PYGO1: variants seen among roughly 807,000 people sequenced by gnomAD.
PYGO1 encodes the protein pygopus family PHD finger 1.
PYGO1 carries 6 observed loss-of-function variants against 29.5 expected under a neutral mutation model. That is an observed-to-expected ratio of 0.20 (90% CI 0.11 to 0.40). The LOEUF (loss-of-function observed/expected upper bound fraction) is 0.40. Among genes scored for constraint, PYGO1 ranks in the 10% least tolerant of loss-of-function variants. The probability of loss-of-function intolerance (pLI) is 1.00; values close to 1 mark genes in which losing one functional copy is unlikely to be tolerated. For missense variants in PYGO1, 515 were observed against 514.9 expected, an observed-to-expected ratio of 1.00 and a Z score of 0.00; for synonymous variants, 186 against 180.5, an observed-to-expected ratio of 1.03 and a Z score of -0.24.
chr15:55,551,842 A>G (rs763985076), intron 1 of PYGO1, among the ~76,000 whole-genome samples: 10 of 152,084 alleles, frequency 6.6e-5, no homozygotes, highest in Admixed American at 2.6e-4. Flanking sequence ...TCTCAACAAA[A>G]TACTAGCAAA....
intron 1 of PYGO1, among the ~76,000 whole-genome samples, chr15:55,553,662 C>T (rs1162590229): frequency 2.0e-5 from 3 of 152,158 alleles, no homozygotes; most frequent in South Asian, 2.1e-4. Context: ...CTACCCACCT[C>T]AGCCTCCCAA....
At chr15:55,571,296 T>G (rs994623255) in intron 1 of PYGO1, among the ~76,000 whole-genome samples, 1 of 152,232 alleles carries the variant, frequency 6.6e-6, no homozygotes, top group East Asian at 1.9e-4. Context: ...ACCTTTTAGC[T>G]ACTGTGACTA....
rs1447811251 is a variant in PYGO1 at position 55,539,923 on chromosome 15, T to G, written c.*6100A>C. The G allele has an allele frequency of 2.0e-5, 3 of 152,232 alleles. No homozygotes were observed. The highest frequency in any genetic ancestry group is 2.1e-4 in the South Asian group (1 of 4,822). The allele number at this position is 152,232 out of a possible 1,614,324, so 9.4% of individuals were successfully genotyped here. On this transcript the variant is annotated 3_prime_UTR_variant, in exon 3 of 3. Transcript: ENST00000563719. ...TAAACTGATATGTCTAAAATTTGAA[T>G]TTTTAAAAAGATATGCAGTTTAAGC...
intron 1 of PYGO1, among the ~76,000 whole-genome samples, chr15:55,549,833 C>A (rs2141647456): frequency 6.6e-6 from 1 of 152,246 alleles, no homozygotes; most frequent in Non-Finnish European, 1.5e-5. Context: ...ACATATACAA[C>A]ATACAGAGAA....
intron 1 of PYGO1, among the ~76,000 whole-genome samples, chr15:55,564,766 ATC>A (rs1176288268): frequency 1.3e-5 from 2 of 152,192 alleles, no homozygotes; most frequent in Non-Finnish European, 2.9e-5. Flanking sequence ...ACCATTGATA[ATC>A]TCTCAGTCTG....
intron 1 of PYGO1, among the ~76,000 whole-genome samples, chr15:55,559,475 A>G (rs911197586): frequency 3.9e-5 from 6 of 152,212 alleles, no homozygotes; most frequent in East Asian, 3.8e-4. Flanking sequence ...CCATCCCATT[A>G]CTGGGTATAT....
intron 1 of PYGO1, among the ~76,000 whole-genome samples, chr15:55,582,349 T>C (rs1209633985): frequency 6.6e-6 from 1 of 152,008 alleles, no homozygotes; most frequent in Non-Finnish European, 1.5e-5. Context: ...ATCTCATGGA[T>C]AGAAACATTT....
intron 1 of PYGO1, among the ~76,000 whole-genome samples, chr15:55,571,120 G>C (rs2058978331): frequency 6.7e-6 from 1 of 149,586 alleles, no homozygotes; most frequent in African/African-American, 2.5e-5. Context: ...TCCAGTACTT[G>C]TCTTTCTGTG....
Position 55,588,173 on chromosome 15 carries a change from G to A in PYGO1, c.-290C>T. ...CCCCCACCCGGGGCCGGCATGTGCTGAGGGCGAGTGCGCCGCCGCCGCCGC... is the reference window on the plus strand; with the variant it reads ...CCCCCACCCGGGGCCGGCATGTGCTAAGGGCGAGTGCGCCGCCGCCGCCGC... On this transcript the variant is annotated 5_prime_UTR_variant, in exon 1 of 3. Coordinates refer to ENST00000563719, the MANE Select transcript of PYGO1 (RefSeq NM_001367806.1). The A allele has an allele frequency of 2.3e-6, 1 of 427,840 alleles. No homozygotes were observed. The highest frequency in any genetic ancestry group is 3.1e-6 in the Non-Finnish European group (1 of 322,366). The allele number at this position is 427,840 out of a possible 1,614,324, so 26.5% of individuals were successfully genotyped here.
At chr15:55,560,110 T>G (rs1041116639) in intron 1 of PYGO1, among the ~76,000 whole-genome samples, 1 of 152,114 alleles carries the variant, frequency 6.6e-6, no homozygotes, top group African/African-American at 2.4e-5. Flanking sequence ...AGCATTCCCC[T>G]TGAAAACTGG....
chr15:55,547,240 G>T, intron 2 of PYGO1, 93 bp from the exon 3 acceptor site: 2 of 1,113,128 alleles, frequency 1.8e-6, no homozygotes, highest in Non-Finnish European at 2.4e-6. Context: ...CCTAGTATTA[G>T]TCAAATTTCT....
intron 1 of PYGO1, among the ~76,000 whole-genome samples, chr15:55,552,307 G>C (rs1049275586): frequency 1.4e-5 from 2 of 138,246 alleles, no homozygotes; most frequent in African/African-American, 5.5e-5. Flanking sequence ...ACTGAGTTGA[G>C]ATCGCACCAC....
At position 55,544,562 on chromosome 15, in the gene PYGO1, T is replaced by C. The variant is rs1395274907; in HGVS notation, c.*1461A>G. ...GTGTGTTACCCAAAGGACATTGTTT[T>C]TAAATCACATTTTCATGCATAATTT... is the stretch of plus-strand genomic sequence containing the variant. On this transcript the variant is annotated 3_prime_UTR_variant, in exon 3 of 3. Coordinates refer to ENST00000563719, the MANE Select transcript of PYGO1 (RefSeq NM_001367806.1). 6.6e-6 allele frequency: 1 copy of C among 152,244 alleles called. No homozygotes were observed. Among genetic ancestry groups the C allele is most frequent in the Non-Finnish European group, 1.5e-5 (1 of 68,040 alleles). 9.4% of individuals were successfully genotyped at this position (152,244 alleles called of 1,614,324 possible).
intron 1 of PYGO1, among the ~76,000 whole-genome samples, chr15:55,573,487 G>GA (rs1473898236): frequency 6.6e-6 from 1 of 152,130 alleles, no homozygotes; most frequent in Non-Finnish European, 1.5e-5. Flanking sequence ...CCAACTTCTG[G>GA]ATATACACCC....
At chr15:55,587,810 C>T (rs1312571533) in intron 1 of PYGO1, 25 bp downstream of exon 1, 4 of 1,482,080 alleles carry the variant, frequency 2.7e-6, no homozygotes, top group African/African-American at 2.9e-5. Flanking sequence ...CCCGGTTCCC[C>T]CAATCCGGCA....
At chr15:55,558,697 G>A (rs2058918778) in intron 1 of PYGO1, among the ~76,000 whole-genome samples, 1 of 151,940 alleles carries the variant, frequency 6.6e-6, no homozygotes, top group Admixed American at 6.6e-5. Flanking sequence ...ACAACCATCT[G>A]ATCTTTGACA....
At chr15:55,552,429 A>C (rs927264326) in intron 1 of PYGO1, among the ~76,000 whole-genome samples, 1 of 151,712 alleles carries the variant, frequency 6.6e-6, no homozygotes, top group African/African-American at 2.4e-5. Context: ...AAGAATGAAA[A>C]TGGTGTGTGA....
chr15:55,548,620 C>T (rs374222342), intron 2 of PYGO1, among the ~76,000 whole-genome samples: 3 of 143,412 alleles, frequency 2.1e-5, no homozygotes, highest in Non-Finnish European at 3.0e-5. Context: ...GCAGGAGAAT[C>T]GCTTCAACCT....
At chr15:55,568,760 T>C (rs759237582) in intron 1 of PYGO1, among the ~76,000 whole-genome samples, 23 of 152,150 alleles carry the variant, frequency 1.5e-4, no homozygotes, top group Non-Finnish European at 3.1e-4. Context: ...TGGAAGTATG[T>C]TCGTTCGATG....
Sources: allele counts gnomAD v4.1 joint callset (sites outside exome capture counted in the v4.1 genomes callset), GRCh38; gene constraint gnomAD v4.1.1; transcripts MANE v1.5; gene names NCBI Gene and HGNC (gene_info 2026-07-23, HGNC 2026-07-21).